POU2F1: variants seen among roughly 807,000 people sequenced by gnomAD.
POU2F1 encodes the protein POU domain, class 2, transcription factor 1.
In POU2F1, 16 loss-of-function variants were observed where a neutral mutation model predicts 84.9. That is an observed-to-expected ratio of 0.19 (90% CI 0.13 to 0.29). POU2F1 has a LOEUF of 0.29. POU2F1 is among the 10% of genes least tolerant of loss of function. The probability of loss-of-function intolerance (pLI) is 1.00; values close to 1 mark genes in which losing one functional copy is unlikely to be tolerated. For synonymous variants in POU2F1, 368 were observed against 368.3 expected (o/e 1.00, Z 0.01); for missense variants, 738 against 942.6 (o/e 0.78, Z 2.84).
intron 1 of POU2F1, among the ~76,000 whole-genome samples, chr1:167,299,298 T>C (rs1169169066): frequency 6.6e-6 from 1 of 152,116 alleles, no homozygotes; most frequent in African/African-American, 2.4e-5. Context: ...GGTTAGTTAC[T>C]AGGAAGAACT....
chr1:167,357,387 C>G (rs1659030722), intron 2 of POU2F1: 1 of 93,234 alleles, frequency 1.1e-5, no homozygotes, highest in Non-Finnish European at 2.1e-5. Flanking sequence ...CCACCCCCCC[C>G]CGCTTCTTTG....
chr1:167,260,106 C>A (rs111798855), intron 1 of POU2F1, among the ~76,000 whole-genome samples: 5 of 152,264 alleles, frequency 3.3e-5, no homozygotes, highest in African/African-American at 1.2e-4. Context: ...TCTCGATCTC[C>A]TGACCTCGTG....
At chr1:167,337,968 A>AAG (rs1387050946) in intron 2 of POU2F1, 128 of 370,870 alleles carry the variant, frequency 3.5e-4, no homozygotes, top group Non-Finnish European at 4.7e-4. Context: ...CTTCTTTTAC[A>AAG]GCATGGACCC....
intron 12 of POU2F1, among the ~76,000 whole-genome samples, chr1:167,400,931 A>G (rs891488815): frequency 1.3e-5 from 2 of 152,356 alleles, no homozygotes; most frequent in African/African-American, 4.8e-5. Context: ...TTAATCAACA[A>G]TTTTGTTTTG....
intron 15 of POU2F1, among the ~76,000 whole-genome samples, chr1:167,413,371 A>G (rs1650103675): frequency 6.6e-6 from 1 of 152,194 alleles, no homozygotes; most frequent in African/African-American, 2.4e-5. Flanking sequence ...GTATATGGTA[A>G]AAAACCAGAA....
rs1419440667 is a variant in POU2F1, at chr1:167,340,061, G to T, written c.127+7526G>T. Among the ~76,000 whole-genome samples the T allele has an allele frequency of 3.3e-5, 5 of 152,314 alleles. No individual in the cohort carries two copies. In the South Asian group the frequency reaches 1.0e-3, roughly 32 times the overall value. On this transcript the variant is annotated intron_variant, in intron 2 of 15. Transcript: ENST00000367866. ...TCAGTCACTTGATGAAGGTCACACA[G>T]ATAGCTATAAAGGGGAGCAGAACCA... is the stretch of plus-strand genomic sequence containing the variant.
chr1:167,370,044 C>A, intron 3 of POU2F1, 117 bp from the exon 4 acceptor site: 1 of 832,272 alleles, frequency 1.2e-6, no homozygotes, highest in Non-Finnish European at 1.8e-6. Flanking sequence ...GTAAGACAAA[C>A]TTCTTTGTCT....
At chr1:167,405,218 C>G (rs1649486263) in intron 13 of POU2F1, among the ~76,000 whole-genome samples, 1 of 151,950 alleles carries the variant, frequency 6.6e-6, no homozygotes, top group African/African-American at 2.4e-5. Context: ...TTCATAGTGA[C>G]AAAATTGTTG....
In POU2F1 at chr1:167,303,211, A is replaced by G. The variant is rs74753438; in HGVS notation, c.62-29259A>G. 3.4e-4 allele frequency among the ~76,000 whole-genome samples: 51 copies of G among 152,164 alleles called. 1 individual carries two copies. In the East Asian group the frequency reaches 7.3e-3, roughly 22 times the overall value. ...TGAGTAGGCTGTTTTATCCAGCTTCATGAAAGAATAGCACCATACGACACA... is the reference window on the plus strand; with the variant it reads ...TGAGTAGGCTGTTTTATCCAGCTTCGTGAAAGAATAGCACCATACGACACA... On this transcript the variant is annotated intron_variant, in intron 1 of 15. Transcript: ENST00000367866.
intron 1 of POU2F1, among the ~76,000 whole-genome samples, chr1:167,270,749 G>A (rs1160503431): frequency 6.6e-6 from 1 of 152,166 alleles, no homozygotes; most frequent in African/African-American, 2.4e-5. Flanking sequence ...TGAATTTACT[G>A]GGAACAGTTT....
intron 1 of POU2F1, among the ~76,000 whole-genome samples, chr1:167,241,084 G>A (rs767596754): frequency 1.3e-5 from 2 of 152,162 alleles, no homozygotes; most frequent in Non-Finnish European, 2.9e-5. Flanking sequence ...GGAGGTTGCC[G>A]TGAGCCAAGA....
In POU2F1 at chr1:167,305,402, G is replaced by A. The variant is rs1234794630; in HGVS notation, c.62-27068G>A. On this transcript the variant is annotated intron_variant, in intron 1 of 15. Coordinates refer to ENST00000367866, the MANE Select transcript of POU2F1 (RefSeq NM_002697.4). ...TTTTGTAGAGATGGGTTTTTGCCACGTTGCCCAGGCTGGTCTTGAACTCCT... is the reference window on the plus strand; with the variant it reads ...TTTTGTAGAGATGGGTTTTTGCCACATTGCCCAGGCTGGTCTTGAACTCCT... Among the ~76,000 whole-genome samples the A allele has an allele frequency of 2.0e-5, 3 of 152,030 alleles. No homozygotes were observed. The East Asian group carries it at 5.8e-4, about 29-fold the overall frequency.
intron 8 of POU2F1, among the ~76,000 whole-genome samples, chr1:167,385,231 T>G (rs2101883580): frequency 6.6e-6 from 1 of 152,248 alleles, no homozygotes; most frequent in African/African-American, 2.4e-5. Flanking sequence ...ATCAGAAGAC[T>G]TAAGTTAAAT....
chr1:167,291,634 A>G (rs145192960), intron 1 of POU2F1, among the ~76,000 whole-genome samples: 12 of 152,312 alleles, frequency 7.9e-5, no homozygotes, highest in African/African-American at 2.6e-4. Context: ...TCTAGGGGGT[A>G]GTCTATAATA....
chr1:167,250,370 CT>C (rs1384386695), intron 1 of POU2F1, among the ~76,000 whole-genome samples: 1 of 152,000 alleles, frequency 6.6e-6, no homozygotes, highest in Non-Finnish European at 1.5e-5. Flanking sequence ...TATTACTTTG[CT>C]TTTTGTTTTA....
intron 2 of POU2F1, among the ~76,000 whole-genome samples, chr1:167,335,334 G>A (rs1657373371): frequency 1.3e-5 from 2 of 152,176 alleles, no homozygotes; most frequent in African/African-American, 2.4e-5. Flanking sequence ...AAGTGCCATA[G>A]TGGTGTTAAT....
intron 2 of POU2F1, among the ~76,000 whole-genome samples, chr1:167,342,059 G>A (rs992944518): frequency 2.0e-5 from 3 of 151,990 alleles, no homozygotes; most frequent in Non-Finnish European, 4.4e-5. Flanking sequence ...GGAGCCTGGG[G>A]TCTGGGGGTT....
At chr1:167,354,029 A>G (rs760548988) in intron 2 of POU2F1, among the ~76,000 whole-genome samples, 28 of 152,176 alleles carry the variant, frequency 1.8e-4, no homozygotes, top group Non-Finnish European at 3.8e-4. Context: ...ATACTGTACC[A>G]TGGATATTTT....
In POU2F1 at chr1:167,420,213, G is replaced by C. The variant is rs1650562817; in HGVS notation, c.*4403G>C. On this transcript the variant is annotated 3_prime_UTR_variant, in exon 16 of 16. Coordinates refer to ENST00000367866, the MANE Select transcript of POU2F1 (RefSeq NM_002697.4). ...TGGTCTTGCTCTGTTGCCTAGGCTAGAGTGCAACGGCATGATCTCGGCTCA... is the reference window on the plus strand; with the variant it reads ...TGGTCTTGCTCTGTTGCCTAGGCTACAGTGCAACGGCATGATCTCGGCTCA... 1 of 145,724 alleles carries C rather than the reference G, an allele frequency of 6.9e-6. No individual in the cohort carries two copies. The highest frequency in any genetic ancestry group is 1.5e-5 in the Non-Finnish European group (1 of 67,190). 9.0% of individuals were successfully genotyped at this position (145,724 alleles called of 1,614,324 possible).
Sources: gnomAD v4.1 joint callset for allele counts (sites outside exome capture counted in the v4.1 genomes callset) on GRCh38, gnomAD v4.1.1 for gene constraint, MANE v1.5 for transcripts, NCBI Gene and HGNC (gene_info 2026-07-23, HGNC 2026-07-21) for gene names.